UNC13B: variants seen among roughly 807,000 people sequenced by gnomAD.
UNC13B encodes the protein protein unc-13 homolog B.
A neutral mutation model predicts 211.0 loss-of-function variants in UNC13B; 144 were observed. The observed-to-expected ratio is 0.68, with a 90% confidence interval of 0.60 to 0.78. The LOEUF is 0.78. Among genes scored for constraint, UNC13B ranks in the 30% least tolerant of loss-of-function variants. The pLI, the probability that UNC13B is intolerant of heterozygous loss-of-function variation, is 0.00. For missense variants in UNC13B, 1,777 were observed against 2,002.0 expected, an observed-to-expected ratio of 0.89 and a Z score of 2.14; for synonymous variants, 709 against 725.8, an observed-to-expected ratio of 0.98 and a Z score of 0.37.
intron 1 of UNC13B, among the ~76,000 whole-genome samples, chr9:35,172,904 T>C (rs748528954): frequency 2.6e-5 from 4 of 152,174 alleles, no homozygotes; most frequent in Non-Finnish European, 4.4e-5. Context: ...TTAGGAAATA[T>C]AGGTTTCCAA....
intron 26 of UNC13B, among the ~76,000 whole-genome samples, chr9:35,396,017 CCATTCATGCCATGTACA>C (rs1221799127): frequency 3.3e-5 from 5 of 152,152 alleles, no homozygotes; most frequent in Admixed American, 3.3e-4. Flanking sequence ...TGTCACTGAC[CCATTCATGCCATGTACA>C]CCTGCTCATC....
intron 12 of UNC13B, 69 bp downstream of exon 12, chr9:35,367,062 T>A: frequency 6.7e-7 from 1 of 1,489,584 alleles, no homozygotes. Context: ...GCTTTTCCCC[T>A]GGGAAGCAGG....
At chr9:35,288,737 A>G (rs1436377905) in intron 7 of UNC13B, among the ~76,000 whole-genome samples, 1 of 152,180 alleles carries the variant, frequency 6.6e-6, no homozygotes, top group African/African-American at 2.4e-5. Flanking sequence ...TATTCATTCA[A>G]TTTATTAGTA....
chr9:35,217,490 G>A (rs1375405258), intron 1 of UNC13B, among the ~76,000 whole-genome samples: 3 of 151,156 alleles, frequency 2.0e-5, no homozygotes, highest in Non-Finnish European at 4.4e-5. Flanking sequence ...CTGGGTTCAC[G>A]CCATTGTCCT....
chr9:35,218,458 G>T (rs1824379331), intron 1 of UNC13B, among the ~76,000 whole-genome samples: 1 of 151,816 alleles, frequency 6.6e-6, no homozygotes, highest in Admixed American at 6.6e-5. Flanking sequence ...TTTGAGACAG[G>T]GTCTGGCTCT....
chr9:35,190,662 C>CA (rs1238068318), intron 1 of UNC13B, among the ~76,000 whole-genome samples: 6 of 151,152 alleles, frequency 4.0e-5, no homozygotes, highest in African/African-American at 1.2e-4. Context: ...AGTGGCAAGA[C>CA]AAAAAATGGA....
chr9:35,256,142 T>C (rs894054986), intron 6 of UNC13B, among the ~76,000 whole-genome samples: 2 of 152,228 alleles, frequency 1.3e-5, no homozygotes, highest in African/African-American at 4.8e-5. Context: ...AACTAAAGAG[T>C]ATTTTTTATT....
chr9:35,201,717 C>A (rs1823304224), intron 1 of UNC13B, among the ~76,000 whole-genome samples: 1 of 151,866 alleles, frequency 6.6e-6, no homozygotes, highest in South Asian at 2.1e-4. Context: ...CTATTTGATT[C>A]TTCTCTCTTT....
chr9:35,345,205 T>C (rs561605819), intron 11 of UNC13B, among the ~76,000 whole-genome samples: 8 of 152,158 alleles, frequency 5.3e-5, no homozygotes, highest in Middle Eastern at 3.2e-3. Context: ...CAAAAAATTA[T>C]TTTGACACTT....
intron 11 of UNC13B, among the ~76,000 whole-genome samples, chr9:35,336,396 C>T (rs184572792): frequency 1.3e-5 from 2 of 152,270 alleles, no homozygotes; most frequent in Non-Finnish European, 2.9e-5. Flanking sequence ...ACATTTCCCC[C>T]GTTAGGTTAT....
chr9:35,364,537 C>T, intron 11 of UNC13B: 2 of 1,536,072 alleles, frequency 1.3e-6, no homozygotes, highest in East Asian at 4.9e-5. Context: ...CTCTTTCTCT[C>T]CTTGCAGAAG....
intron 1 of UNC13B, among the ~76,000 whole-genome samples, chr9:35,220,179 T>C (rs1056214140): frequency 6.6e-6 from 1 of 152,052 alleles, no homozygotes; most frequent in Non-Finnish European, 1.5e-5. Context: ...ATAATACATG[T>C]ATATACTTAT....
chr9:35,364,074 G>C (rs898278814), intron 11 of UNC13B, among the ~76,000 whole-genome samples: 18 of 152,300 alleles, frequency 1.2e-4, no homozygotes, highest in Non-Finnish European at 8.8e-5. Context: ...AATGGAAAAG[G>C]CTCAGTCACC....
chr9:35,354,975 G>A (rs1005744655), intron 11 of UNC13B, among the ~76,000 whole-genome samples: 1 of 152,098 alleles, frequency 6.6e-6, no homozygotes, highest in Non-Finnish European at 1.5e-5. Context: ...GCTTTTAATA[G>A]CAAAGATTAA....
chr9:35,385,949 C>A, intron 23 of UNC13B, 136 bp downstream of exon 23: 1 of 1,386,384 alleles, frequency 7.2e-7, no homozygotes, highest in Non-Finnish European at 9.8e-7. Flanking sequence ...TGTACCTGTT[C>A]CCTGGGTTAC....
In UNC13B at chr9:35,254,960, A is replaced by T. The variant is rs568564993; in HGVS notation, c.469-4033A>T. Among the ~76,000 whole-genome samples the T allele has an allele frequency of 2.0e-3, 226 of 113,750 alleles. 3 individuals carry two copies. The highest frequency in any genetic ancestry group is 0.015 in the South Asian group (68 of 4,442). 74.6% of individuals were successfully genotyped at this position (113,750 alleles called of 152,430 possible). ...TATATTAATATATGTATATAATATA[A>T]TATATTATATTATATATTAATATAT... On this transcript the variant is annotated intron_variant, in intron 6 of 39. Transcript: ENST00000635942.
intron 6 of UNC13B, among the ~76,000 whole-genome samples, chr9:35,254,683 A>G (rs1826714428): frequency 6.6e-6 from 1 of 151,482 alleles, no homozygotes; most frequent in Non-Finnish European, 1.5e-5. Context: ...TCACATTACT[A>G]TTATAAGTAA....
At chr9:35,201,203 A>T (rs1481510730) in intron 1 of UNC13B, among the ~76,000 whole-genome samples, 2 of 152,164 alleles carry the variant, frequency 1.3e-5, no homozygotes, top group Admixed American at 1.3e-4. Context: ...ATCATGGTGG[A>T]TAAGCTTTTA....
intron 1 of UNC13B, among the ~76,000 whole-genome samples, chr9:35,208,080 A>T (rs1406743199): frequency 2.6e-5 from 4 of 152,196 alleles, no homozygotes; most frequent in African/African-American, 9.7e-5. Context: ...ATCAGCCAGT[A>T]GATAACTGTC....
Sources: gnomAD v4.1 joint callset for allele counts (sites outside exome capture counted in the v4.1 genomes callset) on GRCh38, gnomAD v4.1.1 for gene constraint, MANE v1.5 for transcripts, NCBI Gene and HGNC (gene_info 2026-07-23, HGNC 2026-07-21) for gene names.